Variants in TASP1 observed in about 807,000 individuals in gnomAD.
The protein encoded by TASP1 is taspase 1, also known as threonine aspartase 1.
Under a neutral mutation model 56.6 loss-of-function variants are expected in TASP1, and 16 were observed. The ratio of observed to expected loss-of-function variants is 0.28; its 90% CI spans 0.19 to 0.43. The LOEUF is 0.43. TASP1 is among the 20% of genes least tolerant of loss of function. The pLI is 1.00. For missense variants in TASP1, 393 were observed against 511.6 expected, an observed-to-expected ratio of 0.77 and a Z score of 2.24; for synonymous variants, 179 against 184.2, an observed-to-expected ratio of 0.97 and a Z score of 0.23.
intron 13 of TASP1, among the ~76,000 whole-genome samples, chr20:13,407,628 G>C (rs6079048): frequency 0.53 from 80,244 of 152,016 alleles, 23,401 homozygotes; most frequent in Non-Finnish European, 0.66. Context: ...GTAACTCTAT[G>C]TTTAACTTTT....
Position 13,587,282 on chromosome 20 carries a change from G to A in TASP1, c.371C>T (p.Ser124Phe). The A allele has an allele frequency of 2.5e-6, 4 of 1,612,524 alleles. No individual in the cohort carries two copies. The highest frequency in any genetic ancestry group is 3.4e-6 in the Non-Finnish European group (4 of 1,179,434). ...ECDASIMDGKSLNFGAVGALS... is the reference protein window; with the variant it reads ...ECDASIMDGKFLNFGAVGALS... ...TGCTCCAACTGCTCCAAAATTTAAG[G>A]ATTTTCCATCCATTATGCTGGCATC... Residue 124 changes from serine (S) to phenylalanine (F), a missense_variant, in exon 5 of 14, where the codon TCC becomes TTC. By Grantham distance (155) the Ser-to-Phe change is radical (BLOSUM62 -2). Coordinates refer to ENST00000337743, the MANE Select transcript of TASP1 (RefSeq NM_017714.3).
chr20:13,402,585 C>A (rs138688824), intron 13 of TASP1, among the ~76,000 whole-genome samples: 3 of 152,140 alleles, frequency 2.0e-5, no homozygotes, highest in African/African-American at 7.2e-5. Flanking sequence ...ACTACCATCC[C>A]GAGGCAGTTG....
chr20:13,558,678 A>T (rs2046243517), intron 8 of TASP1, among the ~76,000 whole-genome samples: 1 of 152,108 alleles, frequency 6.6e-6, no homozygotes, highest in South Asian at 2.1e-4. Flanking sequence ...GAAAACTCAA[A>T]CTGGTTCTGA....
At chr20:13,411,038 T>G (rs1394589996) in intron 13 of TASP1, among the ~76,000 whole-genome samples, 2 of 152,210 alleles carry the variant, frequency 1.3e-5, no homozygotes, top group Non-Finnish European at 2.9e-5. Flanking sequence ...GTTTCATTCT[T>G]CTGCATATGA....
At chr20:13,320,589 AAAAC>A in the TASP1 span, among the ~76,000 whole-genome samples, 5 of 152,218 alleles carry the variant, frequency 3.3e-5, no homozygotes, top group Non-Finnish European at 7.3e-5. Context: ...AGGTGAGAGA[AAAAC>A]AAAGTAACCA....
intron 11 of TASP1, among the ~76,000 whole-genome samples, chr20:13,460,560 T>G (rs2044018548): frequency 6.6e-6 from 1 of 152,140 alleles, no homozygotes; most frequent in Admixed American, 6.6e-5. Context: ...CTTGTTCATT[T>G]TATAAGCATC....
the TASP1 span, among the ~76,000 whole-genome samples, chr20:13,367,185 G>T: frequency 6.6e-6 from 1 of 152,172 alleles, no homozygotes; most frequent in Admixed American, 6.5e-5. Flanking sequence ...TAGAGTAATA[G>T]ATTTTACACG....
chr20:13,199,449 A>C, the TASP1 span, among the ~76,000 whole-genome samples: 1 of 151,968 alleles, frequency 6.6e-6, no homozygotes, highest in Non-Finnish European at 1.5e-5. Context: ...CTACTACCCA[A>C]CAGTGAGTGA....
chr20:13,471,886 G>A (rs1252124190), intron 11 of TASP1, among the ~76,000 whole-genome samples: 1 of 152,148 alleles, frequency 6.6e-6, no homozygotes, highest in African/African-American at 2.4e-5. Flanking sequence ...CATCCAGGAA[G>A]CGCAAGGGGT....
chr20:13,472,568 T>G (rs542795859), intron 11 of TASP1, among the ~76,000 whole-genome samples: 4 of 150,568 alleles, frequency 2.7e-5, no homozygotes, highest in African/African-American at 9.8e-5. Context: ...TGGGAGAAAA[T>G]TTTTGCAATC....
chr20:13,546,069 T>C (rs2045799429), intron 8 of TASP1, among the ~76,000 whole-genome samples: 1 of 152,062 alleles, frequency 6.6e-6, no homozygotes, highest in African/African-American at 2.4e-5. Flanking sequence ...TCGGATCAAA[T>C]ACATAAAGGG....
At chr20:13,128,608 G>C in the TASP1 span, among the ~76,000 whole-genome samples, 1 of 152,116 alleles carries the variant, frequency 6.6e-6, no homozygotes, top group South Asian at 2.1e-4. Context: ...CCTGAAAAGA[G>C]GTAGGGGTAA....
the TASP1 span, among the ~76,000 whole-genome samples, chr20:13,237,507 C>T: frequency 4.3e-3 from 647 of 152,190 alleles, 2 homozygotes; most frequent in African/African-American, 0.015. Context: ...AAGTTCAAAA[C>T]CAGGAAAAAG....
At chr20:13,276,866 T>C in the TASP1 span, among the ~76,000 whole-genome samples, 4 of 152,216 alleles carry the variant, frequency 2.6e-5, no homozygotes, top group African/African-American at 9.6e-5. Flanking sequence ...CTATGAAACC[T>C]CAGGCTCAAG....
chr20:13,314,496 A>G, the TASP1 span, among the ~76,000 whole-genome samples: 2 of 151,908 alleles, frequency 1.3e-5, no homozygotes, highest in African/African-American at 4.8e-5. Context: ...GAGAGAGAGA[A>G]AAAAAACCAC....
intron 4 of TASP1, among the ~76,000 whole-genome samples, chr20:13,622,454 A>C (rs2048749066): frequency 6.6e-6 from 1 of 152,200 alleles, no homozygotes; most frequent in Admixed American, 6.5e-5. Flanking sequence ...TGAGAAATTA[A>C]AATCTACAAA....
the TASP1 span, among the ~76,000 whole-genome samples, chr20:13,360,066 C>A: frequency 1.3e-5 from 2 of 152,096 alleles, no homozygotes; most frequent in Admixed American, 6.5e-5. Context: ...ACCAGACAAG[C>A]CTTACAACTT....
intron 10 of TASP1, among the ~76,000 whole-genome samples, chr20:13,508,006 G>GA (rs1204772681): frequency 6.6e-6 from 1 of 152,030 alleles, no homozygotes; most frequent in Non-Finnish European, 1.5e-5. Context: ...AAATCGGGTT[G>GA]AAAAAACTGA....
At chr20:13,374,638 A>G in the TASP1 span, among the ~76,000 whole-genome samples, 1 of 152,122 alleles carries the variant, frequency 6.6e-6, no homozygotes, top group Non-Finnish European at 1.5e-5. Context: ...ATGAGCCACC[A>G]CACCTGGCCT....
Sources: gnomAD v4.1 joint callset for allele counts (sites outside exome capture counted in the v4.1 genomes callset) on GRCh38, gnomAD v4.1.1 for gene constraint, MANE v1.5 for transcripts, NCBI Gene and HGNC (gene_info 2026-07-23, HGNC 2026-07-21) for gene names.